Variants in RESF1 observed in about 807,000 individuals in gnomAD.
RESF1 encodes retroelement silencing factor 1.
Under a neutral mutation model 134.7 loss-of-function variants are expected in RESF1, and 65 were observed. That is an observed-to-expected ratio of 0.48 (90% confidence interval 0.40 to 0.59). RESF1 has a LOEUF of 0.59. RESF1 is among the 20% of genes least tolerant of loss of function. The probability of loss-of-function intolerance (pLI) is 0.00; values close to 1 mark genes in which losing one functional copy is unlikely to be tolerated. For missense variants in RESF1, 2,274 were observed against 2,002.7 expected, an observed-to-expected ratio of 1.14 and a Z score of -2.59; for synonymous variants, 762 against 702.2, an observed-to-expected ratio of 1.09 and a Z score of -1.35.
In RESF1 at chr12:31,959,990, G is replaced by A. The variant is rs576902500; in HGVS notation, c.-342+499G>A. On this transcript the variant is annotated intron_variant, in intron 1 of 5. Coordinates refer to ENST00000312561, the MANE Select transcript of RESF1 (RefSeq NM_018169.4). ...TTTTTTTTTTTTGCTATTTCCCGAG[G>A]GTTCTCCTCCTCCCCGGCCCTCTTA... 2.6e-5 allele frequency: 4 copies of A among 152,026 alleles called. No individual in the cohort carries two copies. In the East Asian group the frequency reaches 7.7e-4, roughly 29 times the overall value. 9.4% of individuals were successfully genotyped at this position (152,026 alleles called of 1,614,324 possible). A position where few individuals can be genotyped will look rare whatever the true frequency, so the allele number is the denominator to read the frequency against.
Position 31,983,186 on chromosome 12 carries a change from A to G in RESF1, c.2231A>G (p.Asn744Ser), listed in dbSNP as rs546535389. ...QQTALSMVMH[N>S]YESSGINITK... is the part of the protein sequence containing the mutation. ...ACAGCTTTGTCGATGGTAATGCACAATTATGAGTCTTCAGGTATAAATATA... is the reference window on the plus strand; with the variant it reads ...ACAGCTTTGTCGATGGTAATGCACAGTTATGAGTCTTCAGGTATAAATATA... The change falls in exon 4 of 6, where the codon AAT becomes AGT. Residue 744 changes from asparagine (N) to serine (S), a missense_variant. Physicochemically the swap from Asn to Ser is conservative, Grantham distance 46. Transcript: ENST00000312561. 3.7e-5 allele frequency: 60 copies of G among 1,611,298 alleles called. 1 individual carries two copies. The South Asian group carries it at 6.2e-4, about 17-fold the overall frequency.
Position 31,983,670 on chromosome 12 carries a change from C to G in RESF1, c.2715C>G (p.Tyr905Ter). Residue 905 changes from tyrosine to a stop codon, truncating the protein, a stop_gained, in exon 4 of 6, where the codon TAC (tyrosine) becomes TAG (stop). Coordinates refer to ENST00000312561, the MANE Select transcript of RESF1 (RefSeq NM_018169.4). LOFTEE classifies it high-confidence loss of function. ...ICSLVEGDTSYNSQIAKIFSS... is the reference protein window; with the variant it reads ...ICSLVEGDTS ...CTCTGGTTGAAGGTGATACCTCTTA[C>G]AATTCCCAAATAGCAAAGATATTCA... The G allele has an allele frequency of 1.2e-6, 2 of 1,613,946 alleles. No individual in the cohort carries two copies. The highest frequency in any genetic ancestry group is 1.7e-6 in the Non-Finnish European group (2 of 1,179,962).
At chr12:31,961,052 G>T (rs1217272173) in intron 2 of RESF1, among the ~76,000 whole-genome samples, 181 bp downstream of exon 2, 1 of 152,212 alleles carries the variant, frequency 6.6e-6, no homozygotes, top group Non-Finnish European at 1.5e-5. Context: ...AATGTTGTTG[G>T]CATAGTACTG....
intron 3 of RESF1, among the ~76,000 whole-genome samples, chr12:31,978,712 A>ATTTTTT (rs35842957): frequency 8.2e-6 from 1 of 121,902 alleles, no homozygotes; most frequent in Non-Finnish European, 1.7e-5. Flanking sequence ...CACCCAGCTA[A>ATTTTTT]TTTTTTTTTT....
chr12:31,992,307 T>A (rs1028991917), intron 5 of RESF1, 71 bp from the exon 6 acceptor site: 2 of 1,338,064 alleles, frequency 1.5e-6, no homozygotes, highest in African/African-American at 3.0e-5. Context: ...ATTTTCCCTC[T>A]GAATTTTGAT....
Position 31,984,245 on chromosome 12 carries a change from C to G in RESF1, c.3290C>G (p.Ser1097Cys). ...ACTGCTGATAAAACCAGTTCTGACT[C>G]CAAAGACCCAGCAGATCAAATACAA... ...DQTADKTSSDSKDPADQIQIT... is the reference protein window; with the variant it reads ...DQTADKTSSDCKDPADQIQIT... Residue 1097 changes from serine to cysteine, a missense_variant, in exon 4 of 6, where the codon TCC becomes TGC. Ser to Cys is a moderately radical substitution (Grantham distance 112). Coordinates refer to ENST00000312561, the MANE Select transcript of RESF1 (RefSeq NM_018169.4). The G allele has an allele frequency of 1.2e-6, 2 of 1,613,958 alleles. No individual in the cohort carries two copies. The highest frequency in any genetic ancestry group is 1.7e-6 in the Non-Finnish European group (2 of 1,179,978).
rs921267701 is a variant in RESF1 at position 31,982,999 on chromosome 12, A to C, written c.2044A>C (p.Lys682Gln). Reference protein sequence around the residue: ...VLATCLSLWKKQPSDTAKEKE... With the variant: ...VLATCLSLWKQQPSDTAKEKE... Reference sequence around the variant, plus strand: ...AGCAACCTGTCTTTCCCTGTGGAAAAAGCAACCTTCAGATACTGCAAAAGA... The same window carrying C: ...AGCAACCTGTCTTTCCCTGTGGAAACAGCAACCTTCAGATACTGCAAAAGA... Residue 682 changes from lysine to glutamine, a missense_variant, in exon 4 of 6, where the codon AAG becomes CAG. Lys to Gln is a moderately conservative substitution (Grantham distance 53, BLOSUM62 1). Transcript: ENST00000312561. 5 of 1,614,040 alleles carry C rather than the reference A, an allele frequency of 3.1e-6. No individual in the cohort carries two copies. The highest frequency in any genetic ancestry group is 1.3e-5 in the African/African-American group (1 of 74,946).
intron 4 of RESF1, 104 bp from the exon 5 acceptor site, chr12:31,987,135 G>A: frequency 1.5e-6 from 1 of 662,802 alleles, no homozygotes; most frequent in Non-Finnish European, 2.7e-6. Context: ...GTTATATCTA[G>A]GGCCTTTCAA....
At chr12:31,962,013 A>G (rs1939280595) in intron 2 of RESF1, among the ~76,000 whole-genome samples, 1 of 152,184 alleles carries the variant, frequency 6.6e-6, no homozygotes, top group East Asian at 1.9e-4. Flanking sequence ...ACTTGAGGCC[A>G]GGAGTTCGAG....
At chr12:31,974,875 G>T (rs10844079) in intron 3 of RESF1, among the ~76,000 whole-genome samples, 15,991 of 151,492 alleles carry the variant, frequency 0.11, 1,021 homozygotes, top group East Asian at 0.22. Context: ...GAGAGGAACA[G>T]AGTCCTAACG....
Position 31,983,213 on chromosome 12 carries a change from C to A in RESF1, c.2258C>A (p.Thr753Lys), listed in dbSNP as rs764106305. Residue 753 changes from threonine to lysine, a missense_variant, in exon 4 of 6, where the codon ACA becomes AAA. Coordinates refer to ENST00000312561, the MANE Select transcript of RESF1 (RefSeq NM_018169.4). ...HNYESSGINITKGTELQIAVV... is the reference protein window; with the variant it reads ...HNYESSGINIKKGTELQIAVV... ...TATGAGTCTTCAGGTATAAATATAA[C>A]AAAGGGAACAGAACTTCAGATAGCT... 1 of 1,609,690 alleles carries A rather than the reference C, an allele frequency of 6.2e-7. No homozygotes were observed. Among genetic ancestry groups the A allele is most frequent in the Non-Finnish European group, 8.5e-7 (1 of 1,178,260 alleles).
chr12:31,959,586 G>C (rs1231895645), intron 1 of RESF1, 95 bp downstream of exon 1: 2 of 152,218 alleles, frequency 1.3e-5, no homozygotes, highest in African/African-American at 4.8e-5. Context: ...CTCGCGGTCC[G>C]GGCCTGCGCG....
chr12:31,972,499 A>G (rs1031839269), intron 3 of RESF1, among the ~76,000 whole-genome samples: 15 of 151,522 alleles, frequency 9.9e-5, no homozygotes, highest in African/African-American at 3.2e-4. Flanking sequence ...CCAGCTACTC[A>G]GGAGGCTGAG....
intron 3 of RESF1, among the ~76,000 whole-genome samples, chr12:31,973,593 T>C (rs1402437738): frequency 6.6e-6 from 1 of 152,124 alleles, no homozygotes; most frequent in African/African-American, 2.4e-5. Context: ...GTAGGCAATC[T>C]TCCAAAAACT....
chr12:31,971,343 G>T (rs1449050971), intron 3 of RESF1, among the ~76,000 whole-genome samples: 6 of 152,126 alleles, frequency 3.9e-5, no homozygotes, highest in Non-Finnish European at 8.8e-5. Context: ...GGTTTCACCA[G>T]GTTGGTCAGG....
At chr12:31,978,210 T>C (rs1490802867) in intron 3 of RESF1, among the ~76,000 whole-genome samples, 2 of 152,190 alleles carry the variant, frequency 1.3e-5, no homozygotes, top group African/African-American at 4.8e-5. Flanking sequence ...CTTCATTTTC[T>C]AAGTATTTTT....
rs772504490 is a variant in RESF1, at chr12:31,992,423, GA to G, written c.5133del (p.Phe1712LeufsTer8). ...TCGAAGAGAAGCTTCAGTGCAGATG[GA>G]TTTGAGATGCTACAAAACCCAGTAA... ...RLSKRSFSADGFEMLQNPVKD... is the reference protein window; with the variant it reads ...RLSKRSFSADXFEMLQNPVKD... On this transcript the variant is annotated frameshift_variant, in exon 6 of 6. Transcript: ENST00000312561. LOFTEE classifies it low-confidence loss of function (END_TRUNC). 17 of 1,613,686 alleles carry G rather than the reference GA, an allele frequency of 1.1e-5. No homozygotes were observed. The highest frequency in any genetic ancestry group is 5.5e-5 in the South Asian group (5 of 91,068).
At chr12:31,986,747 T>C (rs1939979782) in intron 4 of RESF1, among the ~76,000 whole-genome samples, 1 of 152,102 alleles carries the variant, frequency 6.6e-6, no homozygotes, top group African/African-American at 2.4e-5. Context: ...AGGATTTGAA[T>C]GGAAATTGAA....
In RESF1 at chr12:31,981,299, C is replaced by A; in HGVS notation, c.344C>A (p.Thr115Asn). ...AATTTGCAGATGTCTTCAGGAGTTA[C>A]CCAAAACGTATGGTTGAACTCACCA... ...THNLQMSSGV[T>N]QNVWLNSPMR... Residue 115 changes from threonine to asparagine, a missense_variant, in exon 4 of 6, where the codon ACC becomes AAC. Transcript: ENST00000312561. The A allele has an allele frequency of 6.2e-7, 1 of 1,614,042 alleles. No individual in the cohort carries two copies. Among genetic ancestry groups the A allele is most frequent in the Non-Finnish European group, 8.5e-7 (1 of 1,179,970 alleles).
Sources: allele counts gnomAD v4.1 joint callset (sites outside exome capture counted in the v4.1 genomes callset), GRCh38; gene constraint gnomAD v4.1.1; transcripts MANE v1.5; gene names NCBI Gene and HGNC (gene_info 2026-07-23, HGNC 2026-07-21).